DERL1: variants seen among roughly 807,000 people sequenced by gnomAD.
DERL1 encodes derlin-1.
Under a neutral mutation model 41.6 loss-of-function variants are expected in DERL1, and 24 were observed. The ratio of observed to expected loss-of-function variants is 0.58; its 90% CI spans 0.42 to 0.81. The LOEUF is 0.81. DERL1 is among the 30% of genes least tolerant of loss of function. The pLI, the probability that DERL1 is intolerant of heterozygous loss-of-function variation, is 0.00. For missense variants in DERL1, 260 were observed against 314.3 expected (o/e 0.83, Z 1.31); for synonymous variants, 124 against 112.5 (o/e 1.10, Z -0.65).
Position 123,031,820 on chromosome 8 carries a change from C to A in DERL1, c.154-1104G>T, listed in dbSNP as rs73337834. Among the ~76,000 whole-genome samples the A allele has an allele frequency of 1.4e-3, 208 of 152,282 alleles. 2 individuals are homozygous for A. Among genetic ancestry groups the A allele is most frequent in the African/African-American group, 4.8e-3 (201 of 41,566 alleles). ...TTTTGTTTAAACTGTTACAATGCCA[C>A]AATGAATATTCTTGTATATCCTCTT... On this transcript the variant is annotated intron_variant, in intron 1 of 7. Coordinates refer to ENST00000259512, the MANE Select transcript of DERL1 (RefSeq NM_024295.6).
rs1161475498 is a variant in DERL1 at position 123,013,420 on chromosome 8, C to A, written c.*2027G>T. On this transcript the variant is annotated 3_prime_UTR_variant, in exon 8 of 8. Transcript: ENST00000259512. ...TTTACAAAAAGGGAAGTCCTTTATACAAAATAAGGATTTTTTTTTTCCATT... is the reference window on the plus strand; with the variant it reads ...TTTACAAAAAGGGAAGTCCTTTATAAAAAATAAGGATTTTTTTTTTCCATT... 1 of 151,238 alleles carries A rather than the reference C, an allele frequency of 6.6e-6. No homozygotes were observed. The highest frequency in any genetic ancestry group is 2.4e-5 in the African/African-American group (1 of 40,970). 9.4% of individuals were successfully genotyped at this position (151,238 alleles called of 1,614,324 possible). A position where few individuals can be genotyped will look rare whatever the true frequency, so the allele number is the denominator to read the frequency against.
At chr8:123,023,609 T>C (rs1812616217) in intron 4 of DERL1, 104 bp downstream of exon 4, 2 of 1,046,338 alleles carry the variant, frequency 1.9e-6, no homozygotes, top group South Asian at 1.7e-5. Flanking sequence ...AAATACCACA[T>C]AATTAACCCC....
intron 1 of DERL1, 52 bp from the exon 2 acceptor site, chr8:123,030,768 T>C: frequency 1.6e-6 from 2 of 1,286,904 alleles, no homozygotes; most frequent in Non-Finnish European, 1.1e-6. Context: ...CCTGGTTATT[T>C]CTTTCCCTTC....
Position 123,014,864 on chromosome 8 carries a change from G to A in DERL1, c.*583C>T, listed in dbSNP as rs1286874672. ...TCAGGTCGAAGCAATTCCAAAAGCT[G>A]AGAAAACGCTTCATCCGCTGCTTGT... On this transcript the variant is annotated 3_prime_UTR_variant, in exon 8 of 8. Coordinates refer to ENST00000259512, the MANE Select transcript of DERL1 (RefSeq NM_024295.6). The A allele has an allele frequency of 3.3e-5, 5 of 152,218 alleles. No individual in the cohort carries two copies. Among genetic ancestry groups the A allele is most frequent in the African/African-American group, 7.2e-5 (3 of 41,456 alleles). The allele number at this position is 152,218 out of a possible 1,614,324, so 9.4% of individuals were successfully genotyped here. A position where few individuals can be genotyped will look rare whatever the true frequency, so the allele number is the denominator to read the frequency against.
At chr8:123,041,814 T>C (rs1813079885) in intron 1 of DERL1, among the ~76,000 whole-genome samples, 156 bp downstream of exon 1, 1 of 151,980 alleles carries the variant, frequency 6.6e-6, no homozygotes, top group African/African-American at 2.4e-5. Flanking sequence ...TCCCAGAGCC[T>C]CCCCGGGCCC....
In DERL1 at chr8:123,013,268, A is replaced by G. The variant is rs1814460779; in HGVS notation, c.*2179T>C. On this transcript the variant is annotated 3_prime_UTR_variant, in exon 8 of 8. Transcript: ENST00000259512. ...CTGGGTACTTCCTAAATGCTCTTCAAGAGATAATTGGTTACACAAATTATG... is the reference window on the plus strand; with the variant it reads ...CTGGGTACTTCCTAAATGCTCTTCAGGAGATAATTGGTTACACAAATTATG... 6.6e-6 allele frequency: 1 copy of G among 152,232 alleles called. No homozygotes were observed. Among genetic ancestry groups the G allele is most frequent in the South Asian group, 2.1e-4 (1 of 4,838 alleles). 9.4% of individuals were successfully genotyped at this position (152,232 alleles called of 1,614,324 possible).
rs1812877256 is a variant in DERL1, at chr8:123,034,271, G to C, written c.154-3555C>G. Among the ~76,000 whole-genome samples, 4 of 152,200 alleles carry C rather than the reference G, an allele frequency of 2.6e-5. No homozygotes were observed. In the East Asian group the frequency reaches 7.7e-4, roughly 29 times the overall value. On this transcript the variant is annotated intron_variant, in intron 1 of 7. Coordinates refer to ENST00000259512, the MANE Select transcript of DERL1 (RefSeq NM_024295.6). ...AATGCAATGTGCATACCAAAAAAGT[G>C]ACTTTCCAAGAAACGTGTATTAAAC...
intron 5 of DERL1, among the ~76,000 whole-genome samples, chr8:123,022,434 C>T (rs1477649816): frequency 6.6e-6 from 1 of 152,126 alleles, no homozygotes; most frequent in African/African-American, 2.4e-5. Flanking sequence ...AACACAGACA[C>T]ATAAGATCAC....
At chr8:123,019,117 T>C in intron 7 of DERL1, 78 bp downstream of exon 7, 1 of 995,578 alleles carries the variant, frequency 1.0e-6, no homozygotes, top group Non-Finnish European at 1.6e-6. Context: ...TAAATCATAC[T>C]CCTCATGGAG....
At chr8:123,034,071 G>A (rs944024310) in intron 1 of DERL1, among the ~76,000 whole-genome samples, 2 of 152,198 alleles carry the variant, frequency 1.3e-5, no homozygotes, top group African/African-American at 4.8e-5. Context: ...ATGTGGACTT[G>A]TTACAAAGGC....
intron 7 of DERL1, chr8:123,018,950 C>A: frequency 2.0e-6 from 1 of 490,982 alleles, no homozygotes; most frequent in Non-Finnish European, 3.7e-6. Context: ...GCTGAGATGC[C>A]TCCTGTAATG....
chr8:123,016,099 T>G (rs1019379520), intron 7 of DERL1: 1 of 152,242 alleles, frequency 6.6e-6, no homozygotes, highest in Non-Finnish European at 1.5e-5. Flanking sequence ...ATGTTGGAAG[T>G]ATGGGTATGT....
intron 1 of DERL1, among the ~76,000 whole-genome samples, chr8:123,035,868 A>G (rs938664189): frequency 1.3e-5 from 2 of 149,954 alleles, no homozygotes; most frequent in African/African-American, 2.4e-5. Flanking sequence ...TTTTTTTTTT[A>G]AAGTATGAAA....
chr8:123,022,691 C>A lies in DERL1; in HGVS notation c.446G>T (p.Arg149Leu). 1 of 1,614,018 alleles carries A rather than the reference C, an allele frequency of 6.2e-7. No individual in the cohort carries two copies. The highest frequency in any genetic ancestry group is 8.5e-7 in the Non-Finnish European group (1 of 1,179,920). The change falls in exon 5 of 8, where the codon CGA (arginine) becomes CTA (leucine). Residue 149 changes from arginine to leucine, a missense_variant. Transcript: ENST00000259512. The stretch of plus-strand genomic sequence containing the variant: ...CCAACCAAGGCAAAGTACCTTAAAT[C>A]GTGTTCCAAACCAAAATGATACAAT... ...DMIVSFWFGTRFKACYLPWVI... is the reference protein window; with the variant it reads ...DMIVSFWFGTLFKACYLPWVI...
intron 1 of DERL1, 108 bp downstream of exon 1, chr8:123,041,862 T>A (rs919368964): frequency 7.0e-7 from 1 of 1,419,066 alleles, no homozygotes; most frequent in African/African-American, 1.4e-5. Flanking sequence ...CCGGACCCAC[T>A]ACAAATCCCA....
Position 123,015,434 on chromosome 8 carries a change from C to T in DERL1, c.*13G>A, listed in dbSNP as rs777226362. The T allele has an allele frequency of 1.7e-5, 27 of 1,610,122 alleles. No individual in the cohort carries two copies. Among genetic ancestry groups the T allele is most frequent in the Middle Eastern group, 1.6e-4 (1 of 6,072 alleles). On this transcript the variant is annotated 3_prime_UTR_variant, in exon 8 of 8. Coordinates refer to ENST00000259512, the MANE Select transcript of DERL1 (RefSeq NM_024295.6). Reference sequence around the variant, plus strand: ...ATGTGGCTTGAGAGGAGCGGCTGCCCGAGGCCGCCCCTTCACTGGTCTCCA... The same window carrying T: ...ATGTGGCTTGAGAGGAGCGGCTGCCTGAGGCCGCCCCTTCACTGGTCTCCA...
chr8:123,021,338 G>A, intron 6 of DERL1, 109 bp downstream of exon 6: 1 of 998,806 alleles, frequency 1.0e-6, no homozygotes, highest in South Asian at 1.4e-5. Flanking sequence ...GGGTTCTAAT[G>A]CGTCAATGTT....
Position 123,014,084 on chromosome 8 carries a change from A to G in DERL1, c.*1363T>C, listed in dbSNP as rs1174591367. The G allele has an allele frequency of 1.3e-5, 2 of 152,240 alleles. No homozygotes were observed. Among genetic ancestry groups the G allele is most frequent in the African/African-American group, 4.8e-5 (2 of 41,448 alleles). The allele number at this position is 152,240 out of a possible 1,614,324, so 9.4% of individuals were successfully genotyped here. A position where few individuals can be genotyped will look rare whatever the true frequency, so the allele number is the denominator to read the frequency against. ...TGCCTCAAAGTGTGACAGCCACTCA[A>G]TACTGCTCCTAACAGTCTGCTTTCA... On this transcript the variant is annotated 3_prime_UTR_variant, in exon 8 of 8. Transcript: ENST00000259512.
chr8:123,029,971 A>G (rs1812786382), intron 2 of DERL1, among the ~76,000 whole-genome samples: 1 of 152,138 alleles, frequency 6.6e-6, no homozygotes, highest in Non-Finnish European at 1.5e-5. Flanking sequence ...GAGGCATGAG[A>G]ATTGCTTGAA....
Sources: allele counts gnomAD v4.1 joint callset (sites outside exome capture counted in the v4.1 genomes callset), GRCh38; gene constraint gnomAD v4.1.1; transcripts MANE v1.5; gene names NCBI Gene and HGNC (gene_info 2026-07-23, HGNC 2026-07-21).